Variants in KCNMA1 observed in about 807,000 individuals in gnomAD.
The protein encoded by KCNMA1 is potassium calcium-activated channel subfamily M alpha 1, also known as Calcium-activated potassium channel subunit alpha-1.
In KCNMA1, 29 loss-of-function variants were observed where a neutral mutation model predicts 140.0. The observed-to-expected ratio is 0.21, with a 90% CI of 0.15 to 0.28. The LOEUF is 0.28. KCNMA1 is among the 10% of genes least tolerant of loss of function. The probability of loss-of-function intolerance (pLI) is 1.00; values close to 1 mark genes in which losing one functional copy is unlikely to be tolerated. For missense variants in KCNMA1, 880 were observed against 1,602.2 expected, an observed-to-expected ratio of 0.55 and a Z score of 7.70; for synonymous variants, 612 against 611.9, an observed-to-expected ratio of 1.00 and a Z score of 0.00.
In KCNMA1 at chr10:77,200,378, A is replaced by C. The variant is rs187856576; in HGVS notation, c.603-15462T>G. Among the ~76,000 whole-genome samples, 102 of 152,314 alleles carry C rather than the reference A, an allele frequency of 6.7e-4. 1 individual carries two copies. Among genetic ancestry groups the C allele is most frequent in the Middle Eastern group, 3.4e-3 (1 of 294 alleles). On this transcript the variant is annotated intron_variant, in intron 3 of 27. Transcript: ENST00000286628. ...AGACAGAGGTCAATTAGTCAAATTA[A>C]ATCCCCACGGAAAAAAGTAACCTAT...
intron 14 of KCNMA1, among the ~76,000 whole-genome samples, chr10:77,047,416 A>G (rs1437385506): frequency 6.6e-6 from 1 of 152,192 alleles, no homozygotes; most frequent in Non-Finnish European, 1.5e-5. Context: ...ACCAGAATAC[A>G]TGGTATTTTC....
Position 76,910,014 on chromosome 10 carries a change from G to C in KCNMA1, c.3099C>G (p.Ala1033=), listed in dbSNP as rs1482865420. 14 of 1,614,026 alleles carry C rather than the reference G, an allele frequency of 8.7e-6. No homozygotes were observed. In the East Asian group the frequency reaches 3.1e-4, roughly 36 times the overall value. Residue 1033 remains alanine (A), a synonymous_variant, in exon 25 of 28, where the codon GCC becomes GCG. Transcript: ENST00000286628. ...DTELYLTQPF[A]CGTAFAVSVL... The stretch of plus-strand genomic sequence containing the variant: ...CACTGACGGCAAATGCTGTCCCACA[G>C]GCAAAGGGCTGCGTGAGGTACAGTT...
Position 77,584,789 on chromosome 10 carries a change from C to A in KCNMA1, c.378+52476G>T, listed in dbSNP as rs375763854. The stretch of plus-strand genomic sequence containing the variant: ...AGAAGGCCTGGCTGTCTGACATCAC[C>A]TAGGAGGCTGAGGTCTGACCCAGTC... On this transcript the variant is annotated intron_variant, in intron 1 of 27. Coordinates refer to ENST00000286628, the MANE Select transcript of KCNMA1 (RefSeq NM_001161352.2). 2.0e-4 allele frequency among the ~76,000 whole-genome samples: 30 copies of A among 152,330 alleles called. No homozygotes were observed. In the South Asian group the frequency reaches 4.1e-3, roughly 21 times the overall value.
chr10:77,483,416 A>C (rs1243773166), intron 1 of KCNMA1, among the ~76,000 whole-genome samples: 1 of 152,134 alleles, frequency 6.6e-6, no homozygotes, highest in Non-Finnish European at 1.5e-5. Context: ...ACAGGCTCTC[A>C]CTTCATCCAT....
At chr10:77,348,000 G>C (rs910514480) in intron 2 of KCNMA1, among the ~76,000 whole-genome samples, 6 of 152,132 alleles carry the variant, frequency 3.9e-5, no homozygotes, top group African/African-American at 1.4e-4. Context: ...CTGAAAACTT[G>C]GGATTCACAT....
At chr10:77,047,929 G>A (rs147417162) in intron 14 of KCNMA1, among the ~76,000 whole-genome samples, 6 of 152,056 alleles carry the variant, frequency 3.9e-5, no homozygotes, top group Non-Finnish European at 1.5e-5. Context: ...TACCCCATCT[G>A]AGGTGAGGGA....
Position 77,631,116 on chromosome 10 carries a change from A to G in KCNMA1, c.378+6149T>C, listed in dbSNP as rs894810460. ...AGTGAGACCCTGTCCCAAAAAAAAA[A>G]AAAAAAAAAAAAAGTTTGAGAAGCC... On this transcript the variant is annotated intron_variant, in intron 1 of 27. Transcript: ENST00000286628. Among the ~76,000 whole-genome samples, 8 of 134,574 alleles carry G rather than the reference A, an allele frequency of 5.9e-5. No homozygotes were observed. The South Asian group carries it at 1.7e-3, about 28-fold the overall frequency. The allele number at this position is 134,574 out of a possible 152,430, so 88.3% of individuals were successfully genotyped here.
At chr10:77,253,009 G>A (rs1202371650) in intron 2 of KCNMA1, among the ~76,000 whole-genome samples, 1 of 152,058 alleles carries the variant, frequency 6.6e-6, no homozygotes, top group East Asian at 1.9e-4. Flanking sequence ...TCATTCATAT[G>A]TTCCTTTCAA....
chr10:77,368,768 A>G (rs1195690894), intron 2 of KCNMA1, among the ~76,000 whole-genome samples: 1 of 152,188 alleles, frequency 6.6e-6, no homozygotes, highest in Non-Finnish European at 1.5e-5. Flanking sequence ...TGGATGTCCA[A>G]TTGTTCCAAG....
At chr10:77,031,013 T>C (rs1216575994) in intron 15 of KCNMA1, among the ~76,000 whole-genome samples, 11 of 152,166 alleles carry the variant, frequency 7.2e-5, no homozygotes, top group Non-Finnish European at 1.3e-4. Context: ...GATTGGCTGA[T>C]CTTGCCCTTC....
chr10:77,008,590 A>G (rs1251091555), intron 18 of KCNMA1, among the ~76,000 whole-genome samples: 1 of 152,234 alleles, frequency 6.6e-6, no homozygotes, highest in Non-Finnish European at 1.5e-5. Context: ...GGATGAGATG[A>G]CGTGAAATGT....
intron 1 of KCNMA1, among the ~76,000 whole-genome samples, chr10:77,624,120 C>T (rs557146677): frequency 2.0e-5 from 3 of 152,152 alleles, no homozygotes; most frequent in Non-Finnish European, 4.4e-5. Flanking sequence ...TGGAATGCTC[C>T]GTGGAACAGG....
At position 77,007,403 on chromosome 10, in the gene KCNMA1, A is replaced by G. The variant is rs573718979; in HGVS notation, c.2092+4564T>C. 4.6e-5 allele frequency among the ~76,000 whole-genome samples: 7 copies of G among 152,182 alleles called. No homozygotes were observed. The South Asian group carries it at 1.5e-3, about 32-fold the overall frequency. ...AAAAACTTTGTTGTAAAGCAAGGGA[A>G]CTTCATAGACTGCAGATAATAATTA... On this transcript the variant is annotated intron_variant, in intron 18 of 27. Coordinates refer to ENST00000286628, the MANE Select transcript of KCNMA1 (RefSeq NM_001161352.2).
chr10:77,556,940 C>A (rs1771499045), intron 1 of KCNMA1, among the ~76,000 whole-genome samples: 1 of 152,172 alleles, frequency 6.6e-6, no homozygotes, highest in African/African-American at 2.4e-5. Flanking sequence ...AGGGCAGAGA[C>A]TGAAAGTCAC....
intron 23 of KCNMA1, among the ~76,000 whole-genome samples, chr10:76,941,055 G>GAA (rs2061983769): frequency 1.4e-4 from 8 of 58,388 alleles, no homozygotes; most frequent in African/African-American, 3.7e-4. Flanking sequence ...GAAAGAAAGA[G>GAA]AAAGAAAGAA....
chr10:77,369,980 C>A (rs1012565538), intron 2 of KCNMA1, among the ~76,000 whole-genome samples: 4 of 152,164 alleles, frequency 2.6e-5, no homozygotes, highest in African/African-American at 4.8e-5. Context: ...TTTTCTATGT[C>A]TTTTTCTGTG....
chr10:77,014,935 A>T (rs1341801737), intron 17 of KCNMA1, among the ~76,000 whole-genome samples: 1 of 152,164 alleles, frequency 6.6e-6, no homozygotes, highest in Non-Finnish European at 1.5e-5. Context: ...TTTCGCTGGG[A>T]AAGAAAACAT....
chr10:77,609,704 T>C (rs993590837), intron 1 of KCNMA1, among the ~76,000 whole-genome samples: 6 of 151,998 alleles, frequency 3.9e-5, no homozygotes, highest in Admixed American at 3.9e-4. Context: ...AATAAACAAG[T>C]ACAATTTTTA....
At chr10:77,377,631 A>ACCC (rs1354207773) in intron 2 of KCNMA1, among the ~76,000 whole-genome samples, 3 of 152,126 alleles carry the variant, frequency 2.0e-5, no homozygotes, top group Non-Finnish European at 4.4e-5. Context: ...TCTCCTCCTG[A>ACCC]CCCCAATCCT....
Sources: gnomAD v4.1 joint callset for allele counts (sites outside exome capture counted in the v4.1 genomes callset) on GRCh38, gnomAD v4.1.1 for gene constraint, MANE v1.5 for transcripts, NCBI Gene and HGNC (gene_info 2026-07-23, HGNC 2026-07-21) for gene names.